BMPER: variants seen among roughly 807,000 people sequenced by gnomAD.
The protein encoded by BMPER is BMP-binding endothelial regulator protein.
A neutral mutation model predicts 87.3 loss-of-function variants in BMPER; 45 were observed. The observed-to-expected ratio is 0.52, with a 90% CI of 0.41 to 0.66. The LOEUF is 0.66. Ranked by LOEUF, BMPER falls within the 30% of genes least tolerant of loss-of-function variation. BMPER has a pLI of 0.00. For missense variants in BMPER, 784 were observed against 867.5 expected, an observed-to-expected ratio of 0.90 and a Z score of 1.21; for synonymous variants, 326 against 316.2, an observed-to-expected ratio of 1.03 and a Z score of -0.33.
intron 2 of BMPER, among the ~76,000 whole-genome samples, chr7:33,918,296 A>G (rs1216916926): frequency 1.3e-5 from 2 of 152,228 alleles, no homozygotes; most frequent in African/African-American, 2.4e-5. Context: ...ATTAAGAGAT[A>G]CTGGGGGACC....
At chr7:34,046,225 G>GGTTTGTT in intron 6 of BMPER, 81 bp from the exon 7 acceptor site, 2 of 1,354,212 alleles carry the variant, frequency 1.5e-6, no homozygotes, top group Non-Finnish European at 2.1e-6. Flanking sequence ...AAGGGCCTTA[G>GGTTTGTT]GTTTGTTCTA....
intron 7 of BMPER, among the ~76,000 whole-genome samples, chr7:34,047,275 GTTTTTTTA>G (rs562548210): frequency 5.3e-4 from 80 of 151,748 alleles, no homozygotes; most frequent in Non-Finnish European, 9.1e-4. Context: ...CTTCTTTTTT[GTTTTTTTA>G]TTTTTTTATT....
intron 13 of BMPER, among the ~76,000 whole-genome samples, chr7:34,101,675 C>T (rs1789685956): frequency 1.3e-5 from 2 of 152,198 alleles, no homozygotes; most frequent in Admixed American, 6.5e-5. Context: ...CATCCCTGCT[C>T]TCTGATTCCT....
intron 2 of BMPER, among the ~76,000 whole-genome samples, chr7:33,922,459 C>A (rs575698933): frequency 6.6e-6 from 1 of 152,174 alleles, no homozygotes; most frequent in Admixed American, 6.5e-5. Context: ...TTTGCAGGGA[C>A]GAGCTTGTCC....
rs546583959 is a variant in BMPER, at chr7:34,072,960, ATT to A, written c.1079-5890_1079-5889del. Reference sequence around the variant, plus strand: ...CCCATAATGTTCCTGACTTTTCAGAATTTTTTTTCCTAATAGTCTCTTTATTC... The same window carrying A: ...CCCATAATGTTCCTGACTTTTCAGAATTTTTTCCTAATAGTCTCTTTATTC... On this transcript the variant is annotated intron_variant, in intron 11 of 14. Transcript: ENST00000649409. Among the ~76,000 whole-genome samples the A allele has an allele frequency of 5.6e-3, 856 of 151,890 alleles. 4 individuals carry two copies. The highest frequency in any genetic ancestry group is 5.9e-3 in the Non-Finnish European group (404 of 67,928).
intron 6 of BMPER, among the ~76,000 whole-genome samples, chr7:34,028,112 C>G (rs1045007326): frequency 1.3e-5 from 2 of 152,060 alleles, no homozygotes; most frequent in African/African-American, 4.8e-5. Context: ...AAACCCTCCT[C>G]TATTTTAAAA....
chr7:34,022,464 A>C (rs1039021312), intron 6 of BMPER, among the ~76,000 whole-genome samples: 2 of 152,024 alleles, frequency 1.3e-5, no homozygotes, highest in African/African-American at 4.8e-5. Flanking sequence ...CGAGACTGCA[A>C]AACATTCAAG....
rs191232526 is a variant in BMPER, at chr7:33,928,401, C to T, written c.220-8888C>T. Among the ~76,000 whole-genome samples, 5 of 152,148 alleles carry T rather than the reference C, an allele frequency of 3.3e-5. No homozygotes were observed. In the East Asian group the frequency reaches 9.7e-4, roughly 29 times the overall value. On this transcript the variant is annotated intron_variant, in intron 2 of 14. Coordinates refer to ENST00000649409, the MANE Select transcript of BMPER (RefSeq NM_001365308.1). Reference sequence around the variant, plus strand: ...GTTGCCAGCAGACCCTTTGCTTATACGACGCGCAGTCTAATAAAAAACAGG... The same window carrying T: ...GTTGCCAGCAGACCCTTTGCTTATATGACGCGCAGTCTAATAAAAAACAGG...
At chr7:33,978,790 G>T (rs1284340632) in intron 6 of BMPER, among the ~76,000 whole-genome samples, 2 of 152,136 alleles carry the variant, frequency 1.3e-5, no homozygotes, top group African/African-American at 4.8e-5. Flanking sequence ...AGCCTGCTCA[G>T]AACATTTATA....
In BMPER at chr7:34,079,010, G is replaced by A. The variant is rs139762183; in HGVS notation, c.1232G>A (p.Arg411Gln). 2.7e-5 allele frequency: 44 copies of A among 1,614,076 alleles called. No homozygotes were observed. In the African/African-American group the frequency reaches 4.9e-4, roughly 18 times the overall value. Residue 411 changes from arginine (R) to glutamine (Q), a missense_variant, in exon 12 of 15, where the codon CGG becomes CAG. By Grantham distance (43) the Arg-to-Gln change is conservative (BLOSUM62 1). Coordinates refer to ENST00000649409, the MANE Select transcript of BMPER (RefSeq NM_001365308.1). ...GTGCTGGTGAAGAACGACGCCCGCCGGACACGCTCCTTCTCGTGGACCAAG... is the reference window on the plus strand; with the variant it reads ...GTGCTGGTGAAGAACGACGCCCGCCAGACACGCTCCTTCTCGTGGACCAAG... ...FQVLVKNDAR[R>Q]TRSFSWTKSV...
intron 2 of BMPER, among the ~76,000 whole-genome samples, chr7:33,935,457 T>A (rs1157903043): frequency 2.0e-5 from 3 of 152,104 alleles, no homozygotes; most frequent in Admixed American, 6.5e-5. Flanking sequence ...CAGTCTTTGT[T>A]AAGAACTCCA....
rs1467615771 is a variant in BMPER, at chr7:33,916,109, T to A, written c.219+9206T>A. On this transcript the variant is annotated intron_variant, in intron 2 of 14. Coordinates refer to ENST00000649409, the MANE Select transcript of BMPER (RefSeq NM_001365308.1). ...ATGGACTGTATTTATGGCAATTTAT[T>A]GTCAACACCTATGAAATGTGTTTAT... 3.9e-5 allele frequency among the ~76,000 whole-genome samples: 6 copies of A among 152,214 alleles called. No individual in the cohort carries two copies. The South Asian group carries it at 6.2e-4, about 16-fold the overall frequency.
At chr7:33,945,837 G>C (rs1784881159) in intron 3 of BMPER, among the ~76,000 whole-genome samples, 1 of 152,062 alleles carries the variant, frequency 6.6e-6, no homozygotes, top group Non-Finnish European at 1.5e-5. Flanking sequence ...TGAGGGCCTG[G>C]AGAAGTTCAG....
chr7:34,046,376 C>A lies in BMPER; in HGVS notation c.647C>A (p.Pro216His). The change falls in exon 7 of 15, where the codon CCC (proline) becomes CAC (histidine). Residue 216 changes from proline to histidine, a missense_variant. Physicochemically the swap from Pro to His is moderately conservative, Grantham distance 77. Transcript: ENST00000649409. ...LSCPQHLSHI[P>H]PGQCCPKCLG... ...TGTCCCCAGCACCTTAGTCACATACCCCCAGGACAGTGCTGCCCCAAATGT... is the reference window on the plus strand; with the variant it reads ...TGTCCCCAGCACCTTAGTCACATACACCCAGGACAGTGCTGCCCCAAATGT... The A allele has an allele frequency of 6.2e-7, 1 of 1,613,924 alleles. No individual in the cohort carries two copies. Among genetic ancestry groups the A allele is most frequent in the Non-Finnish European group, 8.5e-7 (1 of 1,179,914 alleles).
intron 6 of BMPER, among the ~76,000 whole-genome samples, chr7:34,024,498 A>C (rs1787305540): frequency 7.2e-6 from 1 of 138,748 alleles, no homozygotes; most frequent in African/African-American, 2.7e-5. Flanking sequence ...TGAAACCAGT[A>C]ATGTCCCATT....
rs1262870629 is a variant in BMPER, at chr7:33,976,002, CAT to C, written c.576+1221_576+1222del. On this transcript the variant is annotated intron_variant, in intron 6 of 14. Transcript: ENST00000649409. The stretch of plus-strand genomic sequence containing the variant: ...TATCTCTATATATCTAGATATAAAA[CAT>C]ATGTAATATACATAATATACATCAG... 9.2e-5 allele frequency among the ~76,000 whole-genome samples: 14 copies of C among 151,834 alleles called. No individual in the cohort carries two copies. The East Asian group carries it at 2.3e-3, about 25-fold the overall frequency.
intron 13 of BMPER, among the ~76,000 whole-genome samples, chr7:34,091,679 CT>C (rs774591021): frequency 6.6e-6 from 1 of 152,210 alleles, no homozygotes; most frequent in Non-Finnish European, 1.5e-5. Context: ...ATTTAACCCA[CT>C]TATGCCTAGT....
intron 6 of BMPER, among the ~76,000 whole-genome samples, chr7:34,040,682 G>A (rs1230567725): frequency 6.6e-6 from 1 of 152,172 alleles, no homozygotes; most frequent in East Asian, 1.9e-4. Flanking sequence ...GAGTGGAAGA[G>A]GTGAGTAAAG....
chr7:33,989,731 G>A (rs1786145728), intron 6 of BMPER, among the ~76,000 whole-genome samples: 1 of 152,122 alleles, frequency 6.6e-6, no homozygotes, highest in African/African-American at 2.4e-5. Context: ...TTTTCTTCTA[G>A]GGTTTTTATG....
Sources: gnomAD v4.1 joint callset for allele counts (sites outside exome capture counted in the v4.1 genomes callset) on GRCh38, gnomAD v4.1.1 for gene constraint, MANE v1.5 for transcripts, NCBI Gene and HGNC (gene_info 2026-07-23, HGNC 2026-07-21) for gene names.